Variants in HTR7 observed in about 807,000 individuals in gnomAD.
HTR7 encodes 5-HT-7.
HTR7 carries 16 observed loss-of-function variants against 34.0 expected under a neutral mutation model. That is an observed-to-expected ratio of 0.47 (90% CI 0.32 to 0.71). HTR7 has a LOEUF of 0.71. Among genes scored for constraint, HTR7 ranks in the 30% least tolerant of loss-of-function variants. The pLI, the probability that HTR7 is intolerant of heterozygous loss-of-function variation, is 0.04. For missense variants in HTR7, 504 were observed against 625.5 expected (o/e 0.81, Z 2.07); for synonymous variants, 265 against 260.2 (o/e 1.02, Z -0.18).
At chr10:90,790,086 A>AT (rs1212585923) in intron 1 of HTR7, among the ~76,000 whole-genome samples, 1 of 152,198 alleles carries the variant, frequency 6.6e-6, no homozygotes, top group East Asian at 1.9e-4. Flanking sequence ...GTTAGACACA[A>AT]TGTACCTTCC....
intron 1 of HTR7, among the ~76,000 whole-genome samples, chr10:90,808,706 T>C (rs12779610): frequency 0.28 from 41,839 of 151,818 alleles, 6,299 homozygotes; most frequent in African/African-American, 0.4. Context: ...ATGGGCAACC[T>C]TCCACCCTCC....
chr10:90,757,340 C>T (rs1180262124), intron 1 of HTR7, among the ~76,000 whole-genome samples: 1 of 152,050 alleles, frequency 6.6e-6, no homozygotes, highest in African/African-American at 2.4e-5. Flanking sequence ...GAGCAGAAGC[C>T]CCACATACCA....
intron 1 of HTR7, among the ~76,000 whole-genome samples, chr10:90,848,065 T>C (rs1846436346): frequency 6.9e-6 from 1 of 145,516 alleles, no homozygotes; most frequent in South Asian, 2.2e-4. Context: ...ACTCTCTCTT[T>C]GTTCTTTTTT....
At chr10:90,843,642 T>A (rs1846363990) in intron 1 of HTR7, among the ~76,000 whole-genome samples, 1 of 150,986 alleles carries the variant, frequency 6.6e-6, no homozygotes, top group South Asian at 2.1e-4. Context: ...ACATGACTGG[T>A]TAGTTGGTGG....
At chr10:90,782,947 A>C (rs909479257) in intron 1 of HTR7, among the ~76,000 whole-genome samples, 1 of 152,150 alleles carries the variant, frequency 6.6e-6, no homozygotes, top group African/African-American at 2.4e-5. Flanking sequence ...AAGTCTGCAG[A>C]TCCATTGTGC....
intron 1 of HTR7, among the ~76,000 whole-genome samples, chr10:90,769,096 AAAG>A (rs1845068271): frequency 6.6e-6 from 1 of 152,228 alleles, no homozygotes; most frequent in African/African-American, 2.4e-5. Flanking sequence ...TCTTTGCAGA[AAAG>A]AAGAGCTTCC....
intron 1 of HTR7, among the ~76,000 whole-genome samples, chr10:90,786,856 G>A (rs1312214015): frequency 1.3e-5 from 2 of 152,208 alleles, no homozygotes; most frequent in South Asian, 2.1e-4. Context: ...CATGTAAGAG[G>A]TGCCCAAGGC....
chr10:90,804,003 C>T (rs979765202), intron 1 of HTR7, among the ~76,000 whole-genome samples: 13 of 152,088 alleles, frequency 8.5e-5, no homozygotes, highest in Non-Finnish European at 1.9e-4. Context: ...ACCCCAAGCT[C>T]CACTGGCAGA....
chr10:90,770,140 C>CGCACCTGCGGGGAGG (rs1845084768), intron 1 of HTR7, among the ~76,000 whole-genome samples: 1 of 152,364 alleles, frequency 6.6e-6, no homozygotes, highest in South Asian at 2.1e-4. Context: ...TCTAGCATAC[C>CGCACCTGCGGGGAGG]GCACCTGCGG....
intron 1 of HTR7, among the ~76,000 whole-genome samples, chr10:90,761,635 T>A (rs1440465414): frequency 1.0e-3 from 48 of 46,596 alleles, no homozygotes; most frequent in African/African-American, 6.0e-3. Context: ...TGTGTATGCG[T>A]GTGTGTGTGT....
intron 1 of HTR7, among the ~76,000 whole-genome samples, chr10:90,830,874 A>T (rs1190551575): frequency 6.6e-6 from 1 of 151,738 alleles, no homozygotes; most frequent in Non-Finnish European, 1.5e-5. Flanking sequence ...ATAAATGCCT[A>T]CTCCAACTAA....
chr10:90,799,534 C>T (rs1030221107), intron 1 of HTR7, among the ~76,000 whole-genome samples: 26 of 152,164 alleles, frequency 1.7e-4, no homozygotes, highest in African/African-American at 6.3e-4. Flanking sequence ...AGGCTGGTTT[C>T]TTCTTTGTGC....
At chr10:90,828,409 A>T (rs1348807386) in intron 1 of HTR7, among the ~76,000 whole-genome samples, 1 of 152,196 alleles carries the variant, frequency 6.6e-6, no homozygotes, top group Non-Finnish European at 1.5e-5. Context: ...AAAGACCAAC[A>T]AAATGAAATC....
chr10:90,775,329 A>G (rs771237376), intron 1 of HTR7, among the ~76,000 whole-genome samples: 12 of 152,114 alleles, frequency 7.9e-5, no homozygotes, highest in Non-Finnish European at 1.8e-4. Flanking sequence ...AATTACAGGG[A>G]TAGAGGGAGG....
chr10:90,772,173 TCTTA>T (rs1845126001), intron 1 of HTR7, among the ~76,000 whole-genome samples: 3 of 152,200 alleles, frequency 2.0e-5, no homozygotes, highest in Admixed American at 1.3e-4. Context: ...TAATTTTTAC[TCTTA>T]CTTAATACTT....
At chr10:90,767,216 T>C (rs568731235) in intron 1 of HTR7, among the ~76,000 whole-genome samples, 3 of 152,152 alleles carry the variant, frequency 2.0e-5, no homozygotes, top group East Asian at 1.9e-4. Flanking sequence ...CACAGATGGG[T>C]GGGGTTGCTG....
chr10:90,803,999 A>T (rs1845667139), intron 1 of HTR7, among the ~76,000 whole-genome samples: 1 of 152,136 alleles, frequency 6.6e-6, no homozygotes, highest in African/African-American at 2.4e-5. Flanking sequence ...AAAAACCCCA[A>T]GCTCCACTGG....
chr10:90,773,239 A>T (rs1329301919), intron 1 of HTR7, among the ~76,000 whole-genome samples: 1 of 152,224 alleles, frequency 6.6e-6, no homozygotes, highest in Non-Finnish European at 1.5e-5. Flanking sequence ...ACTGTGGGAT[A>T]GTCACAAGTG....
intron 1 of HTR7, among the ~76,000 whole-genome samples, chr10:90,807,424 C>T (rs1206176936): frequency 6.6e-6 from 1 of 152,132 alleles, no homozygotes; most frequent in African/African-American, 2.4e-5. Flanking sequence ...TGACATTCCA[C>T]CACAAAAGAA....
Sources: gnomAD v4.1 joint callset for allele counts (sites outside exome capture counted in the v4.1 genomes callset) on GRCh38, gnomAD v4.1.1 for gene constraint, MANE v1.5 for transcripts, NCBI Gene and HGNC (gene_info 2026-07-23, HGNC 2026-07-21) for gene names.